The following SIDT1 variants were observed in gnomAD, a reference collection of about 807,000 sequenced individuals.
SIDT1 encodes the protein SID1 transmembrane family member 1, also known as SID1 transmembrane family, member 1.
Under a neutral mutation model 107.5 loss-of-function variants are expected in SIDT1, and 101 were observed. That is an observed-to-expected ratio of 0.94 (90% CI 0.80 to 1.11). The LOEUF (loss-of-function observed/expected upper bound fraction) is 1.11, where lower values mean the gene tolerates loss of function less well. Among genes scored for constraint, SIDT1 ranks in the 50% least tolerant of loss-of-function variants. The pLI, the probability that SIDT1 is intolerant of heterozygous loss-of-function variation, is 0.00. For synonymous variants in SIDT1, 395 were observed against 398.2 expected (o/e 0.99, Z 0.10); for missense variants, 1,076 against 1,058.2 (o/e 1.02, Z -0.23).
rs1946616686 is a variant in SIDT1 at position 113,623,460 on chromosome 3, C to G, written c.2124C>G (p.Asp708Glu). The G allele has an allele frequency of 6.2e-7, 1 of 1,613,984 alleles. No homozygotes were observed. The highest frequency in any genetic ancestry group is 1.7e-5 in the Admixed American group (1 of 60,004). The change falls in exon 22 of 25, where the codon GAC becomes GAG. Residue 708 changes from aspartate (D) to glutamate (E), a missense_variant. Coordinates refer to ENST00000264852, the MANE Select transcript of SIDT1 (RefSeq NM_017699.3). ...TTGGATTGATATACCGCCCCAGGGA[C>G]TTTGCTTCCTACATGCTGGGCATCT... is the stretch of plus-strand genomic sequence containing the variant. ...ALFGLIYRPRDFASYMLGIFI... is the reference protein window; with the variant it reads ...ALFGLIYRPREFASYMLGIFI...
chr3:113,576,474 C>A (rs1305107972), intron 3 of SIDT1, among the ~76,000 whole-genome samples: 1 of 151,980 alleles, frequency 6.6e-6, no homozygotes, highest in African/African-American at 2.4e-5. Context: ...AAAAGGTGAC[C>A]CATTTTGCCA....
intron 10 of SIDT1, among the ~76,000 whole-genome samples, chr3:113,595,518 G>A (rs1944480856): frequency 1.3e-5 from 2 of 151,896 alleles, no homozygotes; most frequent in Admixed American, 1.3e-4. Context: ...TGTTGGGGCT[G>A]CAGTGAGCTG....
At chr3:113,607,620 C>A (rs1459209718) in intron 15 of SIDT1, among the ~76,000 whole-genome samples, 1 of 152,232 alleles carries the variant, frequency 6.6e-6, no homozygotes, top group Non-Finnish European at 1.5e-5. Context: ...AGTCTAGCCT[C>A]TTGCTCCAGA....
intron 3 of SIDT1, among the ~76,000 whole-genome samples, chr3:113,573,030 T>C (rs1942600160): frequency 6.6e-6 from 1 of 151,774 alleles, no homozygotes; most frequent in Non-Finnish European, 1.5e-5. Flanking sequence ...GATGCTGTAC[T>C]GAGCAAACAT....
intron 4 of SIDT1, among the ~76,000 whole-genome samples, chr3:113,579,044 C>T (rs1943132414): frequency 6.6e-6 from 1 of 152,132 alleles, no homozygotes; most frequent in African/African-American, 2.4e-5. Flanking sequence ...TCTATAAACT[C>T]ACCCAAACGG....
intron 23 of SIDT1, 115 bp from the exon 24 acceptor site, chr3:113,625,987 A>C: frequency 1.4e-6 from 1 of 736,192 alleles, no homozygotes; most frequent in East Asian, 2.5e-5. Flanking sequence ...TTTTCTTGGA[A>C]GCTAACTTTT....
the SIDT1 span, among the ~76,000 whole-genome samples, chr3:113,635,483 T>C: frequency 1.3e-5 from 2 of 152,248 alleles, no homozygotes; most frequent in Non-Finnish European, 2.9e-5. Flanking sequence ...AAACCATCTT[T>C]GTTCTTGGTC....
chr3:113,621,631 G>A (rs1946471184), intron 21 of SIDT1, among the ~76,000 whole-genome samples: 1 of 152,142 alleles, frequency 6.6e-6, no homozygotes, highest in African/African-American at 2.4e-5. Context: ...GAGACGTCAG[G>A]TCCTGGATGG....
In SIDT1 at chr3:113,605,531, C is replaced by T. The variant is rs374160329; in HGVS notation, c.1404+555C>T. On this transcript the variant is annotated intron_variant, in intron 14 of 24. Coordinates refer to ENST00000264852, the MANE Select transcript of SIDT1 (RefSeq NM_017699.3). ...TTTGTCTACCAGTCTGAAAGTATTA[C>T]CCTGTGCTTATTCAGTCATGATATC... Among the ~76,000 whole-genome samples, 128 of 152,264 alleles carry T rather than the reference C, an allele frequency of 8.4e-4. 1 individual carries two copies. Among genetic ancestry groups the T allele is most frequent in the African/African-American group, 3.0e-3 (124 of 41,544 alleles).
intron 10 of SIDT1, among the ~76,000 whole-genome samples, chr3:113,593,669 T>C (rs1303497366): frequency 6.6e-6 from 1 of 152,192 alleles, no homozygotes; most frequent in Non-Finnish European, 1.5e-5. Flanking sequence ...AGGACATAAT[T>C]GTTCATACCT....
In SIDT1 at chr3:113,608,492, G is replaced by C. The variant is rs777145643; in HGVS notation, c.1676G>C (p.Ser559Thr). The C allele has an allele frequency of 5.5e-5, 88 of 1,613,936 alleles. No homozygotes were observed. Among genetic ancestry groups the C allele is most frequent in the Middle Eastern group, 1.6e-4 (1 of 6,082 alleles). ...GCATTGATGATGGAAGGGGTGCTCA[G>C]TGCTTGCTACCATGTCTGCCCTAAT... ...GIALMMEGVL[S>T]ACYHVCPNYS... The change falls in exon 17 of 25, where the codon AGT becomes ACT. Residue 559 changes from serine to threonine, a missense_variant. Transcript: ENST00000264852.
rs766321611 is a variant in SIDT1, at chr3:113,603,996, C to A, written c.1300C>A (p.Arg434=). 1.1e-5 allele frequency: 17 copies of A among 1,610,800 alleles called. No homozygotes were observed. In the East Asian group the frequency reaches 3.3e-4, roughly 32 times the overall value. ...CCTGTCAGATTTGTCCAGGAAGGACCGGAGAATTGTCAGCAAAAAATATAA... is the reference window on the plus strand; with the variant it reads ...CCTGTCAGATTTGTCCAGGAAGGACAGGAGAATTGTCAGCAAAAAATATAA... ...LYLSDLSRKD[R]RIVSKKYKIY... The change falls in exon 13 of 25, where the codon CGG becomes AGG. Residue 434 remains arginine (R), a synonymous_variant. Coordinates refer to ENST00000264852, the MANE Select transcript of SIDT1 (RefSeq NM_017699.3).
At chr3:113,631,480 A>G (rs896406106), downstream of SIDT1, among the ~76,000 whole-genome samples, 3 of 152,352 alleles carry the variant, frequency 2.0e-5, no homozygotes, top group South Asian at 6.2e-4. Flanking sequence ...TTTGTTTACC[A>G]TGATTCCACC....
At chr3:113,594,465 A>T (rs1009391722) in intron 10 of SIDT1, among the ~76,000 whole-genome samples, 1 of 152,196 alleles carries the variant, frequency 6.6e-6, no homozygotes, top group Non-Finnish European at 1.5e-5. Flanking sequence ...TTAGGCCTAC[A>T]TCCAATCGAT....
chr3:113,603,143 G>C lies in SIDT1; in HGVS notation c.1256G>C (p.Arg419Pro), dbSNP rs765520373. The C allele has an allele frequency of 1.2e-6, 2 of 1,613,216 alleles. No homozygotes were observed. The highest frequency in any genetic ancestry group is 4.5e-5 in the East Asian group (2 of 44,822). ...PDIESDKNII[R>P]TKMFLYLSDL... ...ATTGAGAGTGATAAAAACATCATCCGGACCAAGGTACCCACTCTGCCTCGC... is the reference window on the plus strand; with the variant it reads ...ATTGAGAGTGATAAAAACATCATCCCGACCAAGGTACCCACTCTGCCTCGC... The change falls in exon 12 of 25, where the codon CGG (arginine) becomes CCG (proline). Residue 419 changes from arginine to proline, a missense_variant. Physicochemically the swap from Arg to Pro is moderately radical, Grantham distance 103 (BLOSUM62 -2). Transcript: ENST00000264852.
intron 19 of SIDT1, among the ~76,000 whole-genome samples, chr3:113,613,701 G>T (rs918851140): frequency 6.6e-6 from 1 of 152,184 alleles, no homozygotes; most frequent in Non-Finnish European, 1.5e-5. Context: ...ATAATTGGGA[G>T]CATTGTTGTT....
chr3:113,553,771 C>T (rs1260267007), intron 1 of SIDT1, among the ~76,000 whole-genome samples: 6 of 152,144 alleles, frequency 3.9e-5, no homozygotes, highest in African/African-American at 9.7e-5. Flanking sequence ...TGAAGCCAGG[C>T]GTGGTGGCTC....
At chr3:113,536,258 A>G (rs1242464319) in intron 1 of SIDT1, among the ~76,000 whole-genome samples, 1 of 152,136 alleles carries the variant, frequency 6.6e-6, no homozygotes, top group East Asian at 1.9e-4. Flanking sequence ...TGCTTATCCT[A>G]CACTCACTAA....
chr3:113,566,172 C>A (rs1941883796), intron 1 of SIDT1, among the ~76,000 whole-genome samples: 1 of 152,120 alleles, frequency 6.6e-6, no homozygotes, highest in Non-Finnish European at 1.5e-5. Context: ...AAAATTCTCC[C>A]CACGCAATTT....
Sources: gnomAD v4.1 joint callset for allele counts (sites outside exome capture counted in the v4.1 genomes callset) on GRCh38, gnomAD v4.1.1 for gene constraint, MANE v1.5 for transcripts, NCBI Gene and HGNC (gene_info 2026-07-23, HGNC 2026-07-21) for gene names.